TIA1: variants seen among roughly 807,000 people sequenced by gnomAD.
The protein encoded by TIA1 is TIA1 cytotoxic granule associated RNA binding protein.
Under a neutral mutation model 65.9 loss-of-function variants are expected in TIA1, and 23 were observed. The ratio of observed to expected loss-of-function variants is 0.35; its 90% confidence interval spans 0.25 to 0.49. The LOEUF is 0.49. Ranked by LOEUF, TIA1 falls within the 20% of genes least tolerant of loss-of-function variation. The probability of loss-of-function intolerance (pLI) is 0.98; values close to 1 mark genes in which losing one functional copy is unlikely to be tolerated. For missense variants in TIA1, 371 were observed against 477.9 expected (o/e 0.78, Z 2.09); for synonymous variants, 147 against 149.4 (o/e 0.98, Z 0.12).
At chr2:70,239,176 T>G (rs376880876) in intron 1 of TIA1, among the ~76,000 whole-genome samples, 1 of 152,178 alleles carries the variant, frequency 6.6e-6, no homozygotes, top group Non-Finnish European at 1.5e-5. Flanking sequence ...CACTGCAAGC[T>G]CCGCCTCCTG....
intron 1 of TIA1, among the ~76,000 whole-genome samples, chr2:70,238,747 T>G (rs568407895): frequency 3.9e-5 from 6 of 152,084 alleles, no homozygotes; most frequent in Non-Finnish European, 5.9e-5. Context: ...AAGACTGTGA[T>G]GATCTTCATT....
upstream of TIA1, chr2:70,248,765 C>G (rs1296639080): frequency 1.3e-5 from 5 of 391,428 alleles, no homozygotes; most frequent in East Asian, 2.0e-4. Context: ...CTCTTCCACC[C>G]GACGCGAGGG....
rs147950237 is a variant in TIA1, at chr2:70,238,918, C to T, written c.27-2743G>A. Among the ~76,000 whole-genome samples the T allele has an allele frequency of 1.6e-4, 25 of 152,046 alleles. No individual in the cohort carries two copies. The East Asian group carries it at 4.3e-3, about 26-fold the overall frequency. ...AATAAAAATAAAGATAAAAAATTAG[C>T]GGACATGGTGGCACTATGTCCCATG... On this transcript the variant is annotated intron_variant, in intron 1 of 12. Transcript: ENST00000433529.
At chr2:70,240,280 C>T (rs1037831241) in intron 1 of TIA1, among the ~76,000 whole-genome samples, 1 of 152,172 alleles carries the variant, frequency 6.6e-6, no homozygotes, top group African/African-American at 2.4e-5. Context: ...ATAAAAAAGT[C>T]TAACCTAAAT....
chr2:70,213,061 T>C (rs950070651), intron 12 of TIA1, among the ~76,000 whole-genome samples: 2 of 152,228 alleles, frequency 1.3e-5, no homozygotes, highest in African/African-American at 4.8e-5. Flanking sequence ...TTGGACAGTT[T>C]AATTTTGTTA....
Position 70,211,400 on chromosome 2 carries a change from T to C in TIA1, c.*1319A>G, listed in dbSNP as rs997685528. ...AGGATTCTCTTATCTGAAGGCTGTT[T>C]AAAGAGGTAGGATTTTAAGGTTTTT... On this transcript the variant is annotated 3_prime_UTR_variant, in exon 13 of 13. Coordinates refer to ENST00000433529, the MANE Select transcript of TIA1 (RefSeq NM_022173.4). The C allele has an allele frequency of 1.3e-5, 2 of 151,522 alleles. No homozygotes were observed. The highest frequency in any genetic ancestry group is 2.9e-5 in the Non-Finnish European group (2 of 67,986). The allele number at this position is 151,522 out of a possible 1,614,324, so 9.4% of individuals were successfully genotyped here.
intron 12 of TIA1, among the ~76,000 whole-genome samples, chr2:70,213,244 C>A (rs766528406): frequency 3.3e-5 from 5 of 150,944 alleles, no homozygotes; most frequent in Non-Finnish European, 7.4e-5. Flanking sequence ...TTCCCTACAA[C>A]GAAAAAGGAA....
At chr2:70,231,366 G>A (rs562503190) in intron 2 of TIA1, among the ~76,000 whole-genome samples, 3 of 152,128 alleles carry the variant, frequency 2.0e-5, no homozygotes, top group African/African-American at 7.2e-5. Flanking sequence ...AGGAGGCTGA[G>A]GTGGGAGGAA....
chr2:70,219,858 G>A (rs1303719981), intron 7 of TIA1, among the ~76,000 whole-genome samples: 2 of 151,216 alleles, frequency 1.3e-5, no homozygotes, highest in Non-Finnish European at 2.9e-5. Context: ...GTTATTACAG[G>A]AATGAGCCAC....
chr2:70,237,466 C>T (rs1414197395), intron 1 of TIA1, among the ~76,000 whole-genome samples: 1 of 152,146 alleles, frequency 6.6e-6, no homozygotes, highest in African/African-American at 2.4e-5. Context: ...CTGTTTTAGT[C>T]ATCGTTTTGC....
In TIA1 at chr2:70,210,109, T is replaced by G. The variant is rs1573088757; in HGVS notation, c.*2610A>C. 1 of 165,588 alleles carries G rather than the reference T, an allele frequency of 6.0e-6. No individual in the cohort carries two copies. Among genetic ancestry groups the G allele is most frequent in the African/African-American group, 2.4e-5 (1 of 41,412 alleles). The allele number at this position is 165,588 out of a possible 1,614,324, so 10.3% of individuals were successfully genotyped here. On this transcript the variant is annotated 3_prime_UTR_variant, in exon 13 of 13. Transcript: ENST00000433529. ...TAAACCACTGATTCTGGAATAAGAT[T>G]AAAAAAAAAATACCTGAGTGAATAT...
At chr2:70,227,710 AT>A in intron 6 of TIA1, 24 bp downstream of exon 6, 1 of 1,460,854 alleles carries the variant, frequency 6.8e-7, no homozygotes, top group Non-Finnish European at 9.4e-7. Context: ...AATTAAAAGG[AT>A]TTTATTTATC....
chr2:70,228,812 A>T, intron 5 of TIA1: 1 of 1,386,544 alleles, frequency 7.2e-7, no homozygotes, highest in Non-Finnish European at 9.3e-7. Flanking sequence ...TTTGCCCCTT[A>T]GTTGGTGAAA....
intron 10 of TIA1, 173 bp downstream of exon 10, chr2:70,216,034 GA>G: frequency 1.6e-6 from 1 of 610,144 alleles, no homozygotes; most frequent in Non-Finnish European, 2.8e-6. Context: ...ATACAGGCGT[GA>G]GCCACCGCAC....
intron 6 of TIA1, chr2:70,225,101 AT>A: frequency 2.0e-6 from 2 of 1,004,354 alleles, no homozygotes; most frequent in Non-Finnish European, 2.4e-6. Flanking sequence ...AAACTATTTA[AT>A]TTTTTCAGAT....
chr2:70,224,511 T>C, intron 7 of TIA1, 43 bp downstream of exon 7: 1 of 1,611,892 alleles, frequency 6.2e-7, no homozygotes, highest in Non-Finnish European at 8.5e-7. Flanking sequence ...GTTTCCATTC[T>C]TTACTCTTTA....
chr2:70,242,494 CAAAAAAAAA>C (rs11380260), intron 1 of TIA1, among the ~76,000 whole-genome samples: 32 of 33,468 alleles, frequency 9.6e-4, no homozygotes, highest in Middle Eastern at 0.036. Context: ...GACTCAGTCT[CAAAAAAAAA>C]AAAAAAAAAA....
intron 1 of TIA1, among the ~76,000 whole-genome samples, chr2:70,243,937 G>C (rs531915744): frequency 6.6e-6 from 1 of 152,158 alleles, no homozygotes; most frequent in Admixed American, 6.6e-5. Flanking sequence ...CCAGTTTTAA[G>C]GTTAAGATAG....
intron 1 of TIA1, among the ~76,000 whole-genome samples, chr2:70,245,218 CT>C (rs1693764671): frequency 6.6e-6 from 1 of 152,140 alleles, no homozygotes. Flanking sequence ...AACTTCTGAC[CT>C]CAGGTGATCC....
Sources: gnomAD v4.1 joint callset for allele counts (sites outside exome capture counted in the v4.1 genomes callset) on GRCh38, gnomAD v4.1.1 for gene constraint, MANE v1.5 for transcripts, NCBI Gene and HGNC (gene_info 2026-07-23, HGNC 2026-07-21) for gene names.